The following PRMT7 variants were observed in gnomAD, a reference collection of about 807,000 sequenced individuals.
The protein encoded by PRMT7 is protein arginine methyltransferase 7.
PRMT7 carries 75 observed loss-of-function variants against 85.4 expected under a neutral mutation model. The observed-to-expected ratio is 0.88, with a 90% CI of 0.73 to 1.06. The LOEUF is 1.06. Ranked by LOEUF, PRMT7 falls within the 50% of genes least tolerant of loss-of-function variation. PRMT7 has a pLI of 0.00. For missense variants in PRMT7, 868 were observed against 915.2 expected, an observed-to-expected ratio of 0.95 and a Z score of 0.67; for synonymous variants, 397 against 359.5, an observed-to-expected ratio of 1.10 and a Z score of -1.18.
At chr16:68,320,829 C>T (rs959313339) in intron 3 of PRMT7, among the ~76,000 whole-genome samples, 1 of 152,088 alleles carries the variant, frequency 6.6e-6, no homozygotes, top group African/African-American at 2.4e-5. Context: ...CCAGGTGCAG[C>T]GACGGATGCT....
In PRMT7 at chr16:68,333,212, A is replaced by T. The variant is rs545043525; in HGVS notation, c.391+4038A>T. On this transcript the variant is annotated intron_variant, in intron 6 of 18. Transcript: ENST00000441236. ...GAAACTAAGTCTTGCGGCTGGGTGCAGTGGCTTATGCCTGTAATCCTAGCA... is the reference window on the plus strand; with the variant it reads ...GAAACTAAGTCTTGCGGCTGGGTGCTGTGGCTTATGCCTGTAATCCTAGCA... Among the ~76,000 whole-genome samples the T allele has an allele frequency of 1.4e-3, 213 of 152,182 alleles. 1 individual carries two copies. Among genetic ancestry groups the T allele is most frequent in the African/African-American group, 4.8e-3 (200 of 41,534 alleles).
intron 6 of PRMT7, among the ~76,000 whole-genome samples, chr16:68,333,910 T>A (rs766266872): frequency 1.3e-5 from 2 of 152,160 alleles, no homozygotes; most frequent in East Asian, 3.8e-4. Flanking sequence ...GTAGCTGATA[T>A]TACAGGCATG....
rs1248508205 is a variant in PRMT7, at chr16:68,311,088, T to A, written c.-230T>A. 1.4e-6 allele frequency: 1 copy of A among 739,204 alleles called. No homozygotes were observed. Among genetic ancestry groups the A allele is most frequent in the Non-Finnish European group, 2.4e-6 (1 of 422,138 alleles). The allele number at this position is 739,204 out of a possible 1,614,324, so 45.8% of individuals were successfully genotyped here. ...GTAGCAGCGGAGGCGAGCGGAGGGT[T>A]TCCCGCGGCGGGTGAGGCGCTGGGT... On this transcript the variant is annotated 5_prime_UTR_variant, in exon 1 of 19. Transcript: ENST00000441236.
rs1350342151 is a variant in PRMT7 at position 68,357,311 on chromosome 16, C to G, written c.*87C>G. 7.2e-7 allele frequency: 1 copy of G among 1,393,918 alleles called. No individual in the cohort carries two copies. Among genetic ancestry groups the G allele is most frequent in the Non-Finnish European group, 9.8e-7 (1 of 1,024,138 alleles). The allele number at this position is 1,393,918 out of a possible 1,614,324, so 86.3% of individuals were successfully genotyped here. ...CGGGGAAGGCTGAAGGCCCTCCTCT[C>G]CTCTCTGGGAGCTGCTCGGCCTCAG... On this transcript the variant is annotated 3_prime_UTR_variant, in exon 19 of 19. Transcript: ENST00000441236.
Position 68,316,080 on chromosome 16 carries a change from G to A in PRMT7, c.95+6G>A. On this transcript the variant is annotated splice_donor_region_variant and intron_variant, in intron 3 of 18. Coordinates refer to ENST00000441236, the MANE Select transcript of PRMT7 (RefSeq NM_019023.5). ...TACCACCAGGAGATTGCAAGGTACT[G>A]GGTTGGTTTACAGCAGGCTGCAGCT... 1.4e-5 allele frequency: 22 copies of A among 1,613,014 alleles called. No homozygotes were observed. The highest frequency in any genetic ancestry group is 1.9e-5 in the Non-Finnish European group (22 of 1,179,622).
rs775126611 is a variant in PRMT7, at chr16:68,348,382, T to A, written c.1364T>A (p.Ile455Lys). 2 of 1,612,474 alleles carry A rather than the reference T, an allele frequency of 1.2e-6. No homozygotes were observed. The highest frequency in any genetic ancestry group is 2.2e-5 in the South Asian group (2 of 91,004). ...ANHLEDKINI[I>K]EKRPELLTNE... is the part of the protein sequence containing the mutation. The stretch of plus-strand genomic sequence containing the variant: ...CACTTGGAAGATAAAATTAACATCA[T>A]AGAGAAACGGCCGGAATTATTAACA... The change falls in exon 14 of 19, where the codon ATA becomes AAA. Residue 455 changes from isoleucine to lysine, a missense_variant. Transcript: ENST00000441236.
At chr16:68,335,305 G>A (rs557195964) in intron 6 of PRMT7, among the ~76,000 whole-genome samples, 5 of 152,294 alleles carry the variant, frequency 3.3e-5, no homozygotes, top group Admixed American at 2.6e-4. Context: ...GGCAGTCAGC[G>A]GTCCTGCTGT....
At position 68,337,001 on chromosome 16, in the gene PRMT7, C is replaced by T. The variant is rs539927779; in HGVS notation, c.392-458C>T. Reference sequence around the variant, plus strand: ...CTCCTGGCTTCAAGTGATCCTCCTGCCTTGGCCTCCCAAAGTGCTAGGATT... The same window carrying T: ...CTCCTGGCTTCAAGTGATCCTCCTGTCTTGGCCTCCCAAAGTGCTAGGATT... On this transcript the variant is annotated intron_variant, in intron 6 of 18. Transcript: ENST00000441236. Among the ~76,000 whole-genome samples, 6 of 152,276 alleles carry T rather than the reference C, an allele frequency of 3.9e-5. No homozygotes were observed. The East Asian group carries it at 1.2e-3, about 29-fold the overall frequency.
intron 6 of PRMT7, among the ~76,000 whole-genome samples, chr16:68,333,325 T>C (rs765421730): frequency 2.6e-5 from 4 of 151,806 alleles, no homozygotes; most frequent in Non-Finnish European, 5.9e-5. Flanking sequence ...CTACTAAAAA[T>C]ACAAAATTAG....
At position 68,337,368 on chromosome 16, in the gene PRMT7, G is replaced by C. The variant is rs987388563; in HGVS notation, c.392-91G>C. The C allele has an allele frequency of 5.0e-6, 4 of 805,784 alleles. No homozygotes were observed. The Middle Eastern group carries it at 6.8e-4, about 137-fold the overall frequency. The allele number at this position is 805,784 out of a possible 1,614,324, so 49.9% of individuals were successfully genotyped here. A position where few individuals can be genotyped will look rare whatever the true frequency, so the allele number is the denominator to read the frequency against. ...ATGTATATGTGCTTTTAGCGTGATG[G>C]CCCCTTAACCACTTATCTTTCCCAT... On this transcript the variant is annotated intron_variant, in intron 6 of 18. Transcript: ENST00000441236.
At chr16:68,315,817 T>G in intron 2 of PRMT7, 80 bp from the exon 3 acceptor site, 56 of 618,724 alleles carry the variant, frequency 9.1e-5, no homozygotes, top group East Asian at 1.5e-4. Context: ...CCCCTCCACA[T>G]TTTGGGGCAT....
intron 6 of PRMT7, among the ~76,000 whole-genome samples, chr16:68,331,588 C>T (rs2083915692): frequency 6.6e-6 from 1 of 151,364 alleles, no homozygotes; most frequent in Non-Finnish European, 1.5e-5. Flanking sequence ...CTGCTTCAGC[C>T]TCCTGTGTAG....
intron 14 of PRMT7, 98 bp from the exon 15 acceptor site, chr16:68,352,150 C>G: frequency 7.6e-7 from 1 of 1,324,240 alleles, no homozygotes; most frequent in African/African-American, 1.5e-5. Context: ...GAGGGAGTGA[C>G]TTGAGTGACT....
chr16:68,318,204 C>CTTT (rs67973024), intron 3 of PRMT7, among the ~76,000 whole-genome samples: 1 of 143,784 alleles, frequency 7.0e-6, no homozygotes. Context: ...ACTTTTTTTT[C>CTTT]TTTTTTTTTT....
At chr16:68,329,361 C>T (rs1418123366) in intron 6 of PRMT7, 187 bp downstream of exon 6, 4 of 491,458 alleles carry the variant, frequency 8.1e-6, no homozygotes, top group African/African-American at 7.8e-5. Flanking sequence ...AACTAGTCAA[C>T]AAGGAGTAGA....
At chr16:68,314,972 T>G (rs2044505063) in intron 2 of PRMT7, among the ~76,000 whole-genome samples, 1 of 152,116 alleles carries the variant, frequency 6.6e-6, no homozygotes, top group Non-Finnish European at 1.5e-5. Context: ...TAAAAAATAA[T>G]GAAGCATAAG....
intron 13 of PRMT7, 112 bp downstream of exon 13, chr16:68,347,790 C>G (rs765578692): frequency 1.9e-5 from 19 of 977,604 alleles, no homozygotes; most frequent in Non-Finnish European, 3.0e-5. Context: ...CTCGCTTGCA[C>G]CCCTGTGTTG....
intron 15 of PRMT7, 197 bp from the exon 16 acceptor site, chr16:68,353,295 C>T (rs1006738679): frequency 4.0e-5 from 49 of 1,234,902 alleles, no homozygotes; most frequent in African/African-American, 6.3e-5. Context: ...TCAGGTGTCA[C>T]GTCAGAGCTT....
chr16:68,355,595 G>A (rs887118351), intron 16 of PRMT7, 128 bp from the exon 17 acceptor site: 34 of 1,004,942 alleles, frequency 3.4e-5, no homozygotes, highest in Non-Finnish European at 4.1e-5. Context: ...TCTGCTGGGC[G>A]CTCGGCATCT....
Sources: gnomAD v4.1 joint callset for allele counts (sites outside exome capture counted in the v4.1 genomes callset) on GRCh38, gnomAD v4.1.1 for gene constraint, MANE v1.5 for transcripts, NCBI Gene and HGNC (gene_info 2026-07-23, HGNC 2026-07-21) for gene names.